The following PIGL variants were observed in gnomAD, a reference collection of about 807,000 sequenced individuals.
The protein encoded by PIGL is phosphatidylinositol glycan anchor biosynthesis class L, also known as N-acetylglucosaminyl-phosphatidylinositol de-N-acetylase.
A neutral mutation model predicts 31.1 loss-of-function variants in PIGL; 22 were observed. That is an observed-to-expected ratio of 0.71 (90% CI 0.51 to 1.01). PIGL has a LOEUF of 1.01. PIGL is among the 50% of genes least tolerant of loss of function. The pLI is 0.00. For synonymous variants in PIGL, 131 were observed against 117.4 expected, an observed-to-expected ratio of 1.12 and a Z score of -0.75; for missense variants, 302 against 315.9, an observed-to-expected ratio of 0.96 and a Z score of 0.33.
rs549839032 is a variant in PIGL at position 16,224,221 on chromosome 17, CAG to C, written c.235+6761_235+6762del. ...CTTGCGACAGAGCAAGACTCCGTCT[CAG>C]GGGGAAAAGAAAGCTACACTATATT... On this transcript the variant is annotated intron_variant, in intron 1 of 6. Transcript: ENST00000225609. Among the ~76,000 whole-genome samples the C allele has an allele frequency of 1.6e-3, 250 of 152,226 alleles. 1 individual carries two copies. Among genetic ancestry groups the C allele is most frequent in the African/African-American group, 5.2e-3 (215 of 41,564 alleles).
At chr17:16,283,670 G>C (rs2092925661) in intron 2 of PIGL, among the ~76,000 whole-genome samples, 1 of 152,080 alleles carries the variant, frequency 6.6e-6, no homozygotes, top group South Asian at 2.1e-4. Flanking sequence ...AAAAATAAGA[G>C]AGAGATGTTA....
At chr17:16,298,251 G>A (rs1292263535) in intron 2 of PIGL, among the ~76,000 whole-genome samples, 1 of 152,126 alleles carries the variant, frequency 6.6e-6, no homozygotes, top group Non-Finnish European at 1.5e-5. Context: ...TTTGCCCAAA[G>A]TCCGAAAGGG....
intron 2 of PIGL, among the ~76,000 whole-genome samples, chr17:16,268,298 A>T (rs1009768566): frequency 6.6e-6 from 1 of 152,168 alleles, no homozygotes; most frequent in Non-Finnish European, 1.5e-5. Context: ...TAGTACAAAC[A>T]TAGTGCAAGA....
At chr17:16,282,679 T>C in intron 2 of PIGL, among the ~76,000 whole-genome samples, 1 of 152,146 alleles carries the variant, frequency 6.6e-6, no homozygotes, top group African/African-American at 2.4e-5. Context: ...CTCAAACTCT[T>C]TTTAAGAATG....
At chr17:16,279,034 G>A (rs541948331) in intron 2 of PIGL, among the ~76,000 whole-genome samples, 2 of 152,206 alleles carry the variant, frequency 1.3e-5, no homozygotes, top group African/African-American at 2.4e-5. Context: ...ACAGGCCCAG[G>A]AAAGCACACA....
intron 2 of PIGL, among the ~76,000 whole-genome samples, chr17:16,266,231 A>G (rs1230322141): frequency 1.3e-5 from 2 of 151,808 alleles, no homozygotes; most frequent in Non-Finnish European, 2.9e-5. Flanking sequence ...CCTGGCCAAC[A>G]TGGTGAAAAC....
At chr17:16,315,708 C>CTTTTTTTTT (rs1157169209) in intron 4 of PIGL, among the ~76,000 whole-genome samples, 296 of 59,024 alleles carry the variant, frequency 5.0e-3, no homozygotes, top group East Asian at 8.3e-3. Flanking sequence ...TTCTTTCTTT[C>CTTTTTTTTT]TTTTTTTTTT....
intron 3 of PIGL, among the ~76,000 whole-genome samples, chr17:16,308,913 A>G (rs1244920671): frequency 2.0e-5 from 3 of 151,734 alleles, no homozygotes; most frequent in Non-Finnish European, 4.4e-5. Context: ...TCCTCTCCCA[A>G]GTAGCTGAGA....
intron 2 of PIGL, among the ~76,000 whole-genome samples, chr17:16,276,444 A>T (rs1010576450): frequency 9.9e-5 from 15 of 152,210 alleles, no homozygotes; most frequent in African/African-American, 3.4e-4. Flanking sequence ...TGATAAGACT[A>T]GACTCTGGCC....
rs1253204588 is a variant in PIGL, at chr17:16,326,130, C to T, written c.*232C>T. On this transcript the variant is annotated 3_prime_UTR_variant, in exon 7 of 7. Coordinates refer to ENST00000225609, the MANE Select transcript of PIGL (RefSeq NM_004278.4). ...CACCCCAAGGATAATAATAGCTACA[C>T]TGCTAGCTTCTCAAGTTCTTGTGAA... 2 of 504,886 alleles carry T rather than the reference C, an allele frequency of 4.0e-6. No individual in the cohort carries two copies. The highest frequency in any genetic ancestry group is 7.0e-6 in the Non-Finnish European group (2 of 285,668). 31.3% of individuals were successfully genotyped at this position (504,886 alleles called of 1,614,324 possible). A position where few individuals can be genotyped will look rare whatever the true frequency, so the allele number is the denominator to read the frequency against.
intron 2 of PIGL, among the ~76,000 whole-genome samples, chr17:16,274,741 A>G (rs2092887025): frequency 6.6e-6 from 1 of 150,860 alleles, no homozygotes; most frequent in Non-Finnish European, 1.5e-5. Flanking sequence ...AAAAGAAAGT[A>G]AAGGGATAGG....
At chr17:16,229,319 A>T (rs1568779936) in intron 1 of PIGL, among the ~76,000 whole-genome samples, 2 of 151,058 alleles carry the variant, frequency 1.3e-5, no homozygotes, top group South Asian at 2.1e-4. Flanking sequence ...TTAATATTCC[A>T]TTGTGTATAT....
chr17:16,223,090 G>A (rs2092636653), intron 1 of PIGL, among the ~76,000 whole-genome samples: 1 of 152,146 alleles, frequency 6.6e-6, no homozygotes, highest in African/African-American at 2.4e-5. Flanking sequence ...CCTCTATGTA[G>A]ACGTTTACAG....
chr17:16,323,300 C>T (rs1470509399), intron 6 of PIGL, among the ~76,000 whole-genome samples: 1 of 151,556 alleles, frequency 6.6e-6, no homozygotes, highest in African/African-American at 2.4e-5. Flanking sequence ...ATGGTGCGAT[C>T]TTGGCTCACT....
intron 2 of PIGL, among the ~76,000 whole-genome samples, chr17:16,236,395 T>C (rs956262356): frequency 6.6e-6 from 1 of 152,188 alleles, no homozygotes; most frequent in African/African-American, 2.4e-5. Flanking sequence ...CCTCTGTCTT[T>C]TATGATTTCC....
chr17:16,241,489 C>G (rs1371314675), intron 2 of PIGL, among the ~76,000 whole-genome samples: 2 of 151,674 alleles, frequency 1.3e-5, no homozygotes, highest in East Asian at 1.9e-4. Context: ...ATCACTTGAA[C>G]CTGGGAGGAG....
At chr17:16,298,806 TC>T (rs1309354406) in intron 2 of PIGL, among the ~76,000 whole-genome samples, 1 of 152,034 alleles carries the variant, frequency 6.6e-6, no homozygotes, top group Non-Finnish European at 1.5e-5. Flanking sequence ...GGTGGGCAGA[TC>T]ACCTGAGGTC....
At chr17:16,313,696 C>G (rs2093064586) in intron 4 of PIGL, 82 bp downstream of exon 4, 3 of 1,134,514 alleles carry the variant, frequency 2.6e-6, no homozygotes, top group Admixed American at 3.4e-5. Flanking sequence ...AAGCACTTTC[C>G]CACTTGTTAT....
intron 2 of PIGL, among the ~76,000 whole-genome samples, chr17:16,252,099 G>C (rs1421791659): frequency 8.9e-6 from 1 of 112,038 alleles, no homozygotes; most frequent in Non-Finnish European, 1.6e-5. Flanking sequence ...TGTTGAGACA[G>C]AGTCTCGCTC....
Sources: allele counts gnomAD v4.1 joint callset (sites outside exome capture counted in the v4.1 genomes callset), GRCh38; gene constraint gnomAD v4.1.1; transcripts MANE v1.5; gene names NCBI Gene and HGNC (gene_info 2026-07-23, HGNC 2026-07-21).